The following ALDH3B2 variants were observed in gnomAD, a reference collection of about 807,000 sequenced individuals.
The protein encoded by ALDH3B2 is aldehyde dehydrogenase family 3 member B2.
A neutral mutation model predicts 36.7 loss-of-function variants in ALDH3B2; 45 were observed. The ratio of observed to expected loss-of-function variants is 1.23; its 90% CI spans 0.97 to 1.57. The LOEUF is 1.57. Among genes scored for constraint, ALDH3B2 ranks in the 40% most tolerant of loss-of-function variants. The probability of loss-of-function intolerance (pLI) is 0.00; values close to 1 mark genes in which losing one functional copy is unlikely to be tolerated. For synonymous variants in ALDH3B2, 217 were observed against 226.5 expected (o/e 0.96, Z 0.38); for missense variants, 464 against 513.3 (o/e 0.90, Z 0.93).
At chr11:67,664,226 C>T in intron 8 of ALDH3B2, 170 bp downstream of exon 8, 3 of 1,105,418 alleles carry the variant, frequency 2.7e-6, no homozygotes, top group African/African-American at 3.1e-5. Flanking sequence ...ACCCTGTCCT[C>T]TCTGCCAGGC....
At chr11:67,668,788 GTGTC>G (rs1855993777) in intron 1 of ALDH3B2, among the ~76,000 whole-genome samples, 1 of 139,876 alleles carries the variant, frequency 7.1e-6, no homozygotes, top group African/African-American at 2.8e-5. Flanking sequence ...GTGTCTGTGT[GTGTC>G]TGTGTATGTA....
At chr11:67,677,010 A>C (rs1442932018), upstream of ALDH3B2, among the ~76,000 whole-genome samples, 1 of 152,158 alleles carries the variant, frequency 6.6e-6, no homozygotes, top group African/African-American at 2.4e-5. Context: ...TCACAGCAGA[A>C]TTTTACCAGA....
chr11:67,662,206 C>T (rs1383218161), exon 10 of ALDH3B2: 4 of 152,268 alleles, frequency 2.6e-5, no homozygotes, highest in Non-Finnish European at 5.9e-5. Context: ...GGATTCCTAT[C>T]TGGGCTATGA....
chr11:67,665,817 C>T, intron 6 of ALDH3B2, 146 bp from the exon 7 acceptor site: 11 of 1,278,346 alleles, frequency 8.6e-6, no homozygotes, highest in South Asian at 4.3e-5. Context: ...CTCAACTGGC[C>T]TTGACCACAC....
chr11:67,670,813 T>G (rs4569014), intron 1 of ALDH3B2, among the ~76,000 whole-genome samples: 2 of 152,250 alleles, frequency 1.3e-5, no homozygotes, highest in Non-Finnish European at 2.9e-5. Context: ...GCGGCCCCCC[T>G]GCATGAGGGC....
intron 1 of ALDH3B2, among the ~76,000 whole-genome samples, chr11:67,672,126 G>A (rs1410639912): frequency 1.3e-4 from 13 of 102,932 alleles, no homozygotes; most frequent in African/African-American, 4.4e-4. Context: ...GTGTGTGTGT[G>A]TGTGTGTGTA....
At chr11:67,669,762 CTGTGTGTG>C in intron 1 of ALDH3B2, among the ~76,000 whole-genome samples, 1 of 81,810 alleles carries the variant, frequency 1.2e-5, no homozygotes, top group East Asian at 3.8e-4. Flanking sequence ...CCACGTGTGT[CTGTGTGTG>C]TATGGGTGTC....
intron 7 of ALDH3B2, among the ~76,000 whole-genome samples, chr11:67,664,875 GGAGCTGCAGTGTCCCAT>G (rs1245594931): frequency 2.0e-5 from 3 of 152,214 alleles, no homozygotes; most frequent in Non-Finnish European, 2.9e-5. Flanking sequence ...CCAGAATGTT[GGAGCTGCAGTGTCCCAT>G]GAGCTGCTGA....
chr11:67,663,195 G>A lies in ALDH3B2; in HGVS notation c.*20C>T, dbSNP rs778443315. 12 of 1,587,368 alleles carry A rather than the reference G, an allele frequency of 7.6e-6. No homozygotes were observed. The East Asian group carries it at 1.3e-4, about 18-fold the overall frequency. ...AGACTCAGGTTTCTCTGTGTGACCCGTTGGAGGCGGGTGGGACGCTCACAG... is the reference window on the plus strand; with the variant it reads ...AGACTCAGGTTTCTCTGTGTGACCCATTGGAGGCGGGTGGGACGCTCACAG... On this transcript the variant is annotated 3_prime_UTR_variant, in exon 10 of 10. Coordinates refer to ENST00000349015, the Ensembl canonical transcript of ALDH3B2.
intron 6 of ALDH3B2, 111 bp downstream of exon 6, chr11:67,666,011 C>T: frequency 7.3e-7 from 1 of 1,363,578 alleles, no homozygotes. Context: ...CCAGCTCCAG[C>T]TCCCCACGTG....
exon 10 of ALDH3B2, chr11:67,662,615 C>T (rs1436708560): frequency 6.5e-6 from 1 of 152,808 alleles, no homozygotes; most frequent in African/African-American, 2.4e-5. Context: ...GGACTTGCCC[C>T]CAGGTCCCAC....
exon 7 of ALDH3B2, chr11:67,665,448 G>T (rs773942926): frequency 1.2e-6 from 2 of 1,614,034 alleles, no homozygotes; most frequent in Admixed American, 1.7e-5. Context: ...TCTGCAGGGC[G>T]GGCAGCAGCC....
intron 1 of ALDH3B2, among the ~76,000 whole-genome samples, chr11:67,673,468 G>T (rs371313318): frequency 1.3e-5 from 2 of 152,184 alleles, no homozygotes; most frequent in African/African-American, 2.4e-5. Context: ...TGACTGCTGC[G>T]GGGAAGCCGT....
intron 1 of ALDH3B2, among the ~76,000 whole-genome samples, chr11:67,672,085 A>ATATATATATATATATATATATG (rs1398899805): frequency 1.9e-5 from 1 of 52,838 alleles, no homozygotes; most frequent in Non-Finnish European, 3.6e-5. Context: ...ATATATATAT[A>ATATATATATATATATATATATG]TATGTATGTA....
At chr11:67,664,409 G>T (rs769578546) in exon 8 of ALDH3B2, 6 of 1,614,028 alleles carry the variant, frequency 3.7e-6, no homozygotes, top group Non-Finnish European at 5.1e-6. Context: ...GCTGCTGTTG[G>T]AGAAGGCGTA....
chr11:67,663,845 C>T (rs1855821947), intron 8 of ALDH3B2, 84 bp from the exon 9 acceptor site: 2 of 1,172,116 alleles, frequency 1.7e-6, no homozygotes, highest in Admixed American at 2.4e-5. Flanking sequence ...CGGAGGTGAG[C>T]CTCATCCTCA....
chr11:67,664,382 G>A lies in ALDH3B2; in HGVS notation c.873+14C>T, dbSNP rs748524121. On this transcript the variant is annotated intron_variant, in intron 8 of 9. Coordinates refer to ENST00000349015, the Ensembl canonical transcript of ALDH3B2. ...TCAGCCCCTCCATTGCCCCCAACCC[G>A]GCCGCACCCCCACCTGGCTGCTGTT... The A allele has an allele frequency of 2.2e-5, 35 of 1,613,662 alleles. No homozygotes were observed. In the East Asian group the frequency reaches 4.2e-4, roughly 20 times the overall value.
intron 1 of ALDH3B2, among the ~76,000 whole-genome samples, chr11:67,670,458 T>C (rs1856077446): frequency 6.6e-6 from 1 of 152,090 alleles, no homozygotes; most frequent in African/African-American, 2.4e-5. Flanking sequence ...CCCGCATTGC[T>C]GAGGGCAGTG....
At chr11:67,665,137 A>T in intron 7 of ALDH3B2, 148 bp downstream of exon 7, 2 of 1,373,624 alleles carry the variant, frequency 1.5e-6, no homozygotes, top group Non-Finnish European at 2.0e-6. Context: ...CAGAGACGGA[A>T]TCGTGGCACC....
Sources: gnomAD v4.1 joint callset for allele counts (sites outside exome capture counted in the v4.1 genomes callset) on GRCh38, gnomAD v4.1.1 for gene constraint, MANE v1.5 for transcripts, NCBI Gene and HGNC (gene_info 2026-07-23, HGNC 2026-07-21) for gene names.